Variants in GNAL observed in about 807,000 individuals in gnomAD.
GNAL encodes the protein G protein subunit alpha L.
Under a neutral mutation model 55.1 loss-of-function variants are expected in GNAL, and 18 were observed. The observed-to-expected ratio is 0.33, with a 90% CI of 0.23 to 0.48. The LOEUF (loss-of-function observed/expected upper bound fraction) is 0.48. Ranked by LOEUF, GNAL falls within the 20% of genes least tolerant of loss-of-function variation. GNAL has a pLI of 0.99. For missense variants in GNAL, 412 were observed against 614.1 expected, an observed-to-expected ratio of 0.67 and a Z score of 3.48; for synonymous variants, 253 against 237.0, an observed-to-expected ratio of 1.07 and a Z score of -0.62.
chr18:11,810,235 A>C (rs2034775213), intron 4 of GNAL, among the ~76,000 whole-genome samples: 1 of 152,318 alleles, frequency 6.6e-6, no homozygotes, highest in South Asian at 2.1e-4. Context: ...TCTACTAAAA[A>C]TACAAAAAAA....
chr18:11,754,548 C>G (rs1312219634), intron 4 of GNAL, among the ~76,000 whole-genome samples: 1 of 152,042 alleles, frequency 6.6e-6, no homozygotes, highest in African/African-American at 2.4e-5. Flanking sequence ...TGTCTGTATT[C>G]TTAAACTAAC....
chr18:11,884,973 C>T lies in GNAL; in HGVS notation c.*3838C>T. ...GAGAGGCACCGTGGAGTTCCAGGGT[C>T]ATCGGTCAGCGAGGAACAAGGAGGG... On this transcript the variant is annotated 3_prime_UTR_variant, in exon 12 of 12. Transcript: ENST00000334049. 7.7e-7 allele frequency: 1 copy of T among 1,303,024 alleles called. No individual in the cohort carries two copies. The highest frequency in any genetic ancestry group is 1.5e-5 in the African/African-American group (1 of 66,386). The allele number at this position is 1,303,024 out of a possible 1,614,324, so 80.7% of individuals were successfully genotyped here.
intron 1 of GNAL, among the ~76,000 whole-genome samples, chr18:11,724,567 C>A (rs2032171124): frequency 6.6e-6 from 1 of 152,200 alleles, no homozygotes; most frequent in African/African-American, 2.4e-5. Context: ...TAGGGAACTT[C>A]CAGTGAGGCT....
chr18:11,873,129 G>A (rs2036436205), intron 10 of GNAL, among the ~76,000 whole-genome samples: 1 of 152,226 alleles, frequency 6.6e-6, no homozygotes, highest in Admixed American at 6.5e-5. Flanking sequence ...AGGCTCATAG[G>A]AGTGATTTAA....
intron 4 of GNAL, among the ~76,000 whole-genome samples, chr18:11,769,045 AATAT>A (rs1213864633): frequency 9.4e-6 from 1 of 106,366 alleles, no homozygotes; most frequent in Non-Finnish European, 1.7e-5. Flanking sequence ...TATAATATAT[AATAT>A]ATATAATATA....
In GNAL at chr18:11,737,247, A is replaced by G. The variant is rs548690027; in HGVS notation, c.377-15606A>G. ...TAAATATTCATCTGAGGACTACTAT[A>G]TATACAATGAGCTTACTGTGCATGT... On this transcript the variant is annotated intron_variant, in intron 1 of 11. Coordinates refer to ENST00000334049, the MANE Select transcript of GNAL (RefSeq NM_182978.4). 2.6e-5 allele frequency among the ~76,000 whole-genome samples: 4 copies of G among 152,328 alleles called. No homozygotes were observed. In the South Asian group the frequency reaches 8.3e-4, roughly 32 times the overall value.
At chr18:11,812,881 T>C (rs2034854217) in intron 4 of GNAL, among the ~76,000 whole-genome samples, 1 of 150,478 alleles carries the variant, frequency 6.6e-6, no homozygotes, top group Admixed American at 6.6e-5. Context: ...TCCAAAAAAG[T>C]TTACTTGGAA....
rs1005658649 is a variant in GNAL, at chr18:11,885,615, A to G, written c.*4480A>G. 7 of 1,559,258 alleles carry G rather than the reference A, an allele frequency of 4.5e-6. No individual in the cohort carries two copies. In the African/African-American group the frequency reaches 9.5e-5, roughly 21 times the overall value. ...ACCGATTGCAGCAATTAAATAGTTG[A>G]TTACTGTGTTGATTTAAATACTTAT... On this transcript the variant is annotated 3_prime_UTR_variant, in exon 12 of 12. Coordinates refer to ENST00000334049, the MANE Select transcript of GNAL (RefSeq NM_182978.4).
intron 1 of GNAL, among the ~76,000 whole-genome samples, chr18:11,722,286 T>C (rs1230644558): frequency 6.6e-6 from 1 of 152,226 alleles, no homozygotes; most frequent in Admixed American, 6.5e-5. Flanking sequence ...ACTCAGAAAC[T>C]TAACTGGGGT....
intron 5 of GNAL, among the ~76,000 whole-genome samples, chr18:11,846,363 CTT>C (rs1386160824): frequency 6.6e-6 from 1 of 150,562 alleles, no homozygotes; most frequent in Non-Finnish European, 1.5e-5. Context: ...TGTTCTATTT[CTT>C]TCTCTTTCTT....
intron 1 of GNAL, among the ~76,000 whole-genome samples, chr18:11,691,846 A>C (rs2031257508): frequency 1.3e-5 from 2 of 152,190 alleles, no homozygotes; most frequent in African/African-American, 4.8e-5. Flanking sequence ...GGCGGGCCGC[A>C]GTGTGCTCGC....
intron 5 of GNAL, among the ~76,000 whole-genome samples, chr18:11,828,661 TAA>T (rs112211966): frequency 4.1e-4 from 60 of 146,570 alleles, no homozygotes; most frequent in African/African-American, 1.4e-3. Context: ...TTTTCTGTTG[TAA>T]AAAAAAAAAA....
intron 4 of GNAL, among the ~76,000 whole-genome samples, chr18:11,780,847 C>T (rs772849531): frequency 1.1e-4 from 16 of 152,184 alleles, no homozygotes; most frequent in Non-Finnish European, 1.9e-4. Context: ...ACTTGAATTA[C>T]AATGAAAATT....
chr18:11,841,953 CAT>C (rs1017435866), intron 5 of GNAL, among the ~76,000 whole-genome samples: 6 of 151,882 alleles, frequency 4.0e-5, no homozygotes, highest in Admixed American at 3.3e-4. Flanking sequence ...CGAAAGAAAA[CAT>C]ATGTTATATT....
chr18:11,709,432 A>G (rs534381448), intron 1 of GNAL, among the ~76,000 whole-genome samples: 1 of 151,670 alleles, frequency 6.6e-6, no homozygotes, highest in South Asian at 2.1e-4. Context: ...AAATCTTCCA[A>G]TTTGTGAACA....
At chr18:11,823,624 G>A (rs938559271) in intron 4 of GNAL, among the ~76,000 whole-genome samples, 1 of 152,110 alleles carries the variant, frequency 6.6e-6, no homozygotes, top group African/African-American at 2.4e-5. Flanking sequence ...CCTTTGTATG[G>A]AATTGTGAGT....
At chr18:11,841,657 A>G (rs1399228503) in intron 5 of GNAL, among the ~76,000 whole-genome samples, 1 of 151,824 alleles carries the variant, frequency 6.6e-6, no homozygotes. Flanking sequence ...AAAAAAAAAA[A>G]AAAAAGAAAG....
intron 4 of GNAL, among the ~76,000 whole-genome samples, chr18:11,816,787 C>A (rs922665179): frequency 1.3e-5 from 2 of 150,076 alleles, no homozygotes; most frequent in Admixed American, 1.3e-4. Flanking sequence ...GCACTCCAAC[C>A]TGGGCGACAG....
At chr18:11,708,471 C>T (rs2031764883) in intron 1 of GNAL, among the ~76,000 whole-genome samples, 2 of 152,028 alleles carry the variant, frequency 1.3e-5, no homozygotes, top group African/African-American at 4.8e-5. Flanking sequence ...ATCCAAGATC[C>T]CTTATCACAG....
Sources: allele counts gnomAD v4.1 joint callset (sites outside exome capture counted in the v4.1 genomes callset), GRCh38; gene constraint gnomAD v4.1.1; transcripts MANE v1.5; gene names NCBI Gene and HGNC (gene_info 2026-07-23, HGNC 2026-07-21).